The following ANKS1B variants were observed in gnomAD, a reference collection of about 807,000 sequenced individuals.
ANKS1B encodes the protein ankyrin repeat and sterile alpha motif domain containing 1B.
A neutral mutation model predicts 148.3 loss-of-function variants in ANKS1B; 36 were observed. The ratio of observed to expected loss-of-function variants is 0.24; its 90% confidence interval spans 0.19 to 0.32. ANKS1B has a LOEUF of 0.32. Among genes scored for constraint, ANKS1B ranks in the 10% least tolerant of loss-of-function variants. The pLI, the probability that ANKS1B is intolerant of heterozygous loss-of-function variation, is 1.00. For missense variants in ANKS1B, 1,157 were observed against 1,542.6 expected, an observed-to-expected ratio of 0.75 and a Z score of 4.19; for synonymous variants, 542 against 560.8, an observed-to-expected ratio of 0.97 and a Z score of 0.47.
At chr12:99,216,216 G>A (rs1427823949) in intron 14 of ANKS1B, among the ~76,000 whole-genome samples, 1 of 152,146 alleles carries the variant, frequency 6.6e-6, no homozygotes, top group African/African-American at 2.4e-5. Context: ...GTGGAACTGT[G>A]AGTCCATTAA....
At chr12:99,840,465 A>ATG (rs2085541074) in intron 1 of ANKS1B, among the ~76,000 whole-genome samples, 1 of 152,134 alleles carries the variant, frequency 6.6e-6, no homozygotes, top group Non-Finnish European at 1.5e-5. Flanking sequence ...TGCTAAGAAT[A>ATG]GTCTGAAGGG....
At chr12:99,834,137 T>C (rs2084451023) in intron 1 of ANKS1B, among the ~76,000 whole-genome samples, 1 of 152,152 alleles carries the variant, frequency 6.6e-6, no homozygotes, top group Admixed American at 6.6e-5. Context: ...TCATTCCAAC[T>C]TTTTATATTG....
chr12:98,766,878 A>G (rs933647412), intron 25 of ANKS1B, among the ~76,000 whole-genome samples: 2 of 152,086 alleles, frequency 1.3e-5, no homozygotes, highest in Non-Finnish European at 2.9e-5. Flanking sequence ...GCAGTGGTGC[A>G]ATCACAGCTC....
In ANKS1B at chr12:98,934,529, T is replaced by C. The variant is rs888521108; in HGVS notation, c.2779-102393A>G. Among the ~76,000 whole-genome samples, 5 of 152,280 alleles carry C rather than the reference T, an allele frequency of 3.3e-5. No homozygotes were observed. The East Asian group carries it at 9.6e-4, about 29-fold the overall frequency. ...AATGCCATTGGAACTTTGATAGGAATTGCATTTAATCTGTAGATTGCTTTG... is the reference window on the plus strand; with the variant it reads ...AATGCCATTGGAACTTTGATAGGAACTGCATTTAATCTGTAGATTGCTTTG... On this transcript the variant is annotated intron_variant, in intron 17 of 26. Transcript: ENST00000683438.
At chr12:99,554,337 A>G (rs10860465) in intron 9 of ANKS1B, among the ~76,000 whole-genome samples, 41,627 of 152,014 alleles carry the variant, frequency 0.27, 6,194 homozygotes, top group African/African-American at 0.39. Context: ...AATGGATATG[A>G]GTCAGGGATT....
chr12:99,928,640 T>C (rs2153806001), intron 1 of ANKS1B, among the ~76,000 whole-genome samples: 1 of 152,312 alleles, frequency 6.6e-6, no homozygotes, highest in East Asian at 1.9e-4. Context: ...TTTCTCTAAT[T>C]TGATTGCCCT....
rs930251072 is a variant in ANKS1B at position 99,814,853 on chromosome 12, C to T, written c.216-2542G>A. Among the ~76,000 whole-genome samples, 3 of 151,658 alleles carry T rather than the reference C, an allele frequency of 2.0e-5. No homozygotes were observed. The Admixed American group carries it at 2.0e-4, about 10-fold the overall frequency. ...CAAGGCAGATTGTTGCAATGTTAAACAATTCCAGTGATTGCTTTTTAAATA... is the reference window on the plus strand; with the variant it reads ...CAAGGCAGATTGTTGCAATGTTAAATAATTCCAGTGATTGCTTTTTAAATA... On this transcript the variant is annotated intron_variant, in intron 2 of 26. Transcript: ENST00000683438.
At chr12:99,606,792 T>C (rs1006967155) in intron 9 of ANKS1B, among the ~76,000 whole-genome samples, 11 of 152,254 alleles carry the variant, frequency 7.2e-5, no homozygotes, top group Middle Eastern at 3.4e-3. Flanking sequence ...TATGTTTAAA[T>C]TGATCATGGG....
intron 21 of ANKS1B, among the ~76,000 whole-genome samples, chr12:98,800,676 A>AT (rs11441175): frequency 0.57 from 43,973 of 77,812 alleles, 10,276 homozygotes; most frequent in East Asian, 0.77. Flanking sequence ...GTGAGCAGAG[A>AT]TATATATATA....
rs1267496855 is a variant in ANKS1B at position 99,984,457 on chromosome 12, G to C, written c.-220C>G. ...GGGGATCAGACCATGTCTTGAAAGA[G>C]GGGCTGGCCGAGCTGGGAGCCGCGA... On this transcript the variant is annotated 5_prime_UTR_variant, in exon 1 of 27. Transcript: ENST00000683438. 4.5e-6 allele frequency: 2 copies of C among 440,418 alleles called. No individual in the cohort carries two copies. Among genetic ancestry groups the C allele is most frequent in the Non-Finnish European group, 4.0e-6 (1 of 248,766 alleles). The allele number at this position is 440,418 out of a possible 1,614,324, so 27.3% of individuals were successfully genotyped here. A position where few individuals can be genotyped will look rare whatever the true frequency, so the allele number is the denominator to read the frequency against.
At chr12:99,239,550 T>G (rs1315792393) in intron 14 of ANKS1B, among the ~76,000 whole-genome samples, 1 of 152,070 alleles carries the variant, frequency 6.6e-6, no homozygotes, top group East Asian at 1.9e-4. Flanking sequence ...ACATTCAAAT[T>G]CAGGAAATAC....
At chr12:99,346,544 T>C (rs1008920930) in intron 12 of ANKS1B, among the ~76,000 whole-genome samples, 1 of 151,950 alleles carries the variant, frequency 6.6e-6, no homozygotes, top group Non-Finnish European at 1.5e-5. Flanking sequence ...AAATATGTTA[T>C]GAAGGCATCA....
intron 17 of ANKS1B, among the ~76,000 whole-genome samples, chr12:99,049,434 T>A (rs535445131): frequency 1.3e-5 from 2 of 152,150 alleles, no homozygotes; most frequent in South Asian, 4.2e-4. Context: ...GATCATGAAA[T>A]AAAAACTTCA....
intron 9 of ANKS1B, among the ~76,000 whole-genome samples, chr12:99,531,911 T>C (rs957450720): frequency 3.3e-5 from 5 of 152,364 alleles, no homozygotes; most frequent in African/African-American, 1.2e-4. Flanking sequence ...TAGGGTGATC[T>C]TGTAGCTCAC....
chr12:98,914,182 T>C (rs745719749), intron 17 of ANKS1B, among the ~76,000 whole-genome samples: 1 of 152,044 alleles, frequency 6.6e-6, no homozygotes, highest in South Asian at 2.1e-4. Context: ...TGAGATCTGG[T>C]TGATTAAAAG....
chr12:98,758,248 T>A (rs1373172073), intron 25 of ANKS1B, among the ~76,000 whole-genome samples: 1 of 152,116 alleles, frequency 6.6e-6, no homozygotes, highest in Non-Finnish European at 1.5e-5. Context: ...ATAATTACGC[T>A]CAGAAAGGTT....
chr12:99,364,483 CTG>C (rs1223412495), intron 12 of ANKS1B, among the ~76,000 whole-genome samples: 1 of 152,182 alleles, frequency 6.6e-6, no homozygotes, highest in African/African-American at 2.4e-5. Context: ...TCTTTGGAAA[CTG>C]TGTGTATTTA....
At chr12:98,924,650 G>A (rs969103401) in intron 17 of ANKS1B, among the ~76,000 whole-genome samples, 7 of 152,034 alleles carry the variant, frequency 4.6e-5, no homozygotes, top group African/African-American at 9.7e-5. Flanking sequence ...GTTTTATTTC[G>A]GGGTGATGCA....
intron 14 of ANKS1B, among the ~76,000 whole-genome samples, chr12:99,164,581 T>C (rs1465676349): frequency 6.6e-6 from 1 of 152,108 alleles, no homozygotes; most frequent in Non-Finnish European, 1.5e-5. Flanking sequence ...TCTATGATTA[T>C]TTGAAAATAA....
Sources: gnomAD v4.1 joint callset for allele counts (sites outside exome capture counted in the v4.1 genomes callset) on GRCh38, gnomAD v4.1.1 for gene constraint, MANE v1.5 for transcripts, NCBI Gene and HGNC (gene_info 2026-07-23, HGNC 2026-07-21) for gene names.